SLC37A3: variants seen among roughly 807,000 people sequenced by gnomAD.
The protein encoded by SLC37A3 is solute carrier family 37 member 3.
Under a neutral mutation model 67.1 loss-of-function variants are expected in SLC37A3, and 51 were observed. The observed-to-expected ratio is 0.76, with a 90% CI of 0.61 to 0.96. SLC37A3 has a LOEUF of 0.96. Ranked by LOEUF, SLC37A3 falls within the 40% of genes least tolerant of loss-of-function variation. The pLI is 0.00. For synonymous variants in SLC37A3, 214 were observed against 231.4 expected (o/e 0.92, Z 0.68); for missense variants, 508 against 603.0 (o/e 0.84, Z 1.65).
chr7:140,378,819 C>T (rs1798132938), intron 3 of SLC37A3, among the ~76,000 whole-genome samples: 1 of 151,860 alleles, frequency 6.6e-6, no homozygotes. Flanking sequence ...GAGGCCGAAG[C>T]AGGCAGATCA....
chr7:140,360,732 T>TA (rs10631882), intron 5 of SLC37A3, among the ~76,000 whole-genome samples: 18,349 of 137,148 alleles, frequency 0.13, 1,550 homozygotes, highest in East Asian at 0.28. Flanking sequence ...AGACTCCGTT[T>TA]AAAAAAAAAA....
chr7:140,351,204 T>C, intron 9 of SLC37A3, 69 bp downstream of exon 9: 4 of 1,466,030 alleles, frequency 2.7e-6, no homozygotes, highest in Non-Finnish European at 3.7e-6. Flanking sequence ...GGAAGCTTTA[T>C]CTCAGGCAGA....
At chr7:140,338,483 T>A (rs1354245260) in intron 13 of SLC37A3, among the ~76,000 whole-genome samples, 3 of 152,104 alleles carry the variant, frequency 2.0e-5, no homozygotes, top group Admixed American at 6.5e-5. Context: ...TCACTCCTTT[T>A]TTTTTGGAGA....
intron 4 of SLC37A3, among the ~76,000 whole-genome samples, chr7:140,367,471 T>A (rs1036003546): frequency 6.6e-6 from 1 of 152,042 alleles, no homozygotes; most frequent in Non-Finnish European, 1.5e-5. Flanking sequence ...AATAAATAAA[T>A]AAAAATAACT....
At chr7:140,357,734 A>G (rs1797091041) in intron 6 of SLC37A3, among the ~76,000 whole-genome samples, 1 of 152,044 alleles carries the variant, frequency 6.6e-6, no homozygotes, top group South Asian at 2.1e-4. Context: ...CCTGACCAAC[A>G]TGGAGAAACC....
At chr7:140,361,629 G>C (rs1797300217) in intron 5 of SLC37A3, among the ~76,000 whole-genome samples, 1 of 148,392 alleles carries the variant, frequency 6.7e-6, no homozygotes, top group East Asian at 2.0e-4. Flanking sequence ...CTGCCATCTC[G>C]GCTCACTGCA....
intron 3 of SLC37A3, among the ~76,000 whole-genome samples, chr7:140,374,932 G>A (rs1012977985): frequency 2.0e-5 from 3 of 152,072 alleles, no homozygotes; most frequent in African/African-American, 7.2e-5. Flanking sequence ...GGTATCATGA[G>A]GCCAGGAGTT....
At chr7:140,364,286 G>A in intron 5 of SLC37A3, 122 bp downstream of exon 5, 2 of 892,878 alleles carry the variant, frequency 2.2e-6, no homozygotes, top group Non-Finnish European at 3.3e-6. Flanking sequence ...AAGTGAAAAG[G>A]CAAATGAGGG....
intron 2 of SLC37A3, among the ~76,000 whole-genome samples, chr7:140,380,990 G>A (rs1008686015): frequency 2.7e-5 from 4 of 147,644 alleles, no homozygotes; most frequent in Non-Finnish European, 4.4e-5. Flanking sequence ...TCAGCCTCCT[G>A]GATTCAAGCC....
intron 4 of SLC37A3, among the ~76,000 whole-genome samples, chr7:140,366,492 C>A (rs920242351): frequency 8.8e-5 from 13 of 148,552 alleles, no homozygotes; most frequent in Non-Finnish European, 1.7e-4. Context: ...AAAAAAAAAA[C>A]CATGACCATT....
chr7:140,343,791 G>T, intron 12 of SLC37A3: 1 of 490,096 alleles, frequency 2.0e-6, no homozygotes, highest in Non-Finnish European at 3.6e-6. Flanking sequence ...AGAACCCAAA[G>T]ATACAAAAAT....
At chr7:140,363,775 G>A (rs942416920) in intron 5 of SLC37A3, among the ~76,000 whole-genome samples, 4 of 148,036 alleles carry the variant, frequency 2.7e-5, no homozygotes, top group African/African-American at 7.4e-5. Flanking sequence ...AGAAAGGAGC[G>A]GGATGTTAGC....
intron 1 of SLC37A3, among the ~76,000 whole-genome samples, chr7:140,397,322 T>C (rs1585396994): frequency 6.6e-6 from 1 of 150,872 alleles, no homozygotes; most frequent in Non-Finnish European, 1.5e-5. Context: ...GCCTCCCGAG[T>C]AGCTGGGATT....
In SLC37A3 at chr7:140,337,307, C is replaced by T. The variant is rs1796181262; in HGVS notation, c.1369G>A (p.Val457Ile). The change falls in exon 14 of 15, where the codon GTT becomes ATT. Residue 457 changes from valine (V) to isoleucine (I), a missense_variant. Val to Ile is a conservative substitution (Grantham distance 29). Coordinates refer to ENST00000326232, the MANE Select transcript of SLC37A3 (RefSeq NM_207113.3). ...ACCATGAGAATGAAAAAGTAGAAAA[C>T]CCACATCCATCCTAGCTTGTCCCGG... The part of the protein sequence containing the change: ...LIRDKLGWMW[V>I]FYFFILMTSC... 4.4e-6 allele frequency: 7 copies of T among 1,598,266 alleles called. No individual in the cohort carries two copies. The East Asian group carries it at 1.4e-4, about 31-fold the overall frequency.
chr7:140,387,737 T>TATATATAATATAAATATAA (rs1798527879), intron 1 of SLC37A3, among the ~76,000 whole-genome samples: 1 of 26,636 alleles, frequency 3.8e-5, no homozygotes, highest in Non-Finnish European at 6.6e-5. Context: ...ATAAATATAC[T>TATATATAATATAAATATAA]ATATATTATA....
At chr7:140,378,867 C>T (rs1462092781) in intron 3 of SLC37A3, among the ~76,000 whole-genome samples, 2 of 151,146 alleles carry the variant, frequency 1.3e-5, no homozygotes, top group African/African-American at 2.4e-5. Context: ...GCCAACATGG[C>T]GAAACCCCTT....
Position 140,338,447 on chromosome 7 carries a change from C to T in SLC37A3, c.1327-1098G>A, listed in dbSNP as rs181221285. ...CTGGCTTGTTTAACTTAGCATAATG[C>T]TTTCAAGGTAAACTACATTGGAACT... is the stretch of plus-strand genomic sequence containing the variant. On this transcript the variant is annotated intron_variant, in intron 13 of 14. Transcript: ENST00000326232. 2.2e-3 allele frequency among the ~76,000 whole-genome samples: 334 copies of T among 152,172 alleles called. 1 individual carries two copies. Among genetic ancestry groups the T allele is most frequent in the Non-Finnish European group, 2.4e-3 (163 of 68,002 alleles).
intron 1 of SLC37A3, among the ~76,000 whole-genome samples, chr7:140,387,652 T>TTATATAAATATAAATATATTA (rs1345198890): frequency 4.8e-4 from 56 of 116,972 alleles, no homozygotes; most frequent in Non-Finnish European, 8.1e-4. Flanking sequence ...AATATATATA[T>TTATATAAATATAAATATATTA]TATATAAATA....
intron 1 of SLC37A3, among the ~76,000 whole-genome samples, chr7:140,397,586 TGAAAA>T (rs996738440): frequency 2.6e-5 from 4 of 152,042 alleles, no homozygotes; most frequent in Admixed American, 1.3e-4. Flanking sequence ...TCAAACAAAC[TGAAAA>T]GAAATCATTT....
Sources: allele counts gnomAD v4.1 joint callset (sites outside exome capture counted in the v4.1 genomes callset), GRCh38; gene constraint gnomAD v4.1.1; transcripts MANE v1.5; gene names NCBI Gene and HGNC (gene_info 2026-07-23, HGNC 2026-07-21).